SMAD4: variants seen among roughly 807,000 people sequenced by gnomAD.
SMAD4 encodes the protein SMAD family member 4.
In SMAD4, 7 loss-of-function variants were observed where a neutral mutation model predicts 63.2. That is an observed-to-expected ratio of 0.11 (90% CI 0.06 to 0.21). SMAD4 has a LOEUF of 0.21. SMAD4 is among the 10% of genes least tolerant of loss of function. SMAD4 has a pLI of 1.00. For missense variants in SMAD4, 312 were observed against 693.8 expected, an observed-to-expected ratio of 0.45 and a Z score of 6.18; for synonymous variants, 215 against 235.4, an observed-to-expected ratio of 0.91 and a Z score of 0.79.
At chr18:51,033,885 A>C (rs897886206) in intron 1 of SMAD4, among the ~76,000 whole-genome samples, 2 of 152,182 alleles carry the variant, frequency 1.3e-5, no homozygotes, top group African/African-American at 4.8e-5. Flanking sequence ...CATATGTAAA[A>C]CTAAGATGGT....
In SMAD4 at chr18:51,055,010, G is replaced by C. The variant is rs370726274; in HGVS notation, c.667+17G>C. 6 of 1,585,686 alleles carry C rather than the reference G, an allele frequency of 3.8e-6. No individual in the cohort carries two copies. In the African/African-American group the frequency reaches 4.0e-5, roughly 11 times the overall value. On this transcript the variant is annotated intron_variant, in intron 5 of 11. Transcript: ENST00000342988. ...CTTCCACAAGTGAGTTCTAGAATCA[G>C]ATGTAGTCAGCAAGTTGAGTTTTCC...
intron 11 of SMAD4, chr18:51,077,534 A>G (rs545183233): frequency 1.0e-5 from 2 of 199,534 alleles, no homozygotes; most frequent in South Asian, 3.4e-4. Context: ...GATGGACTAT[A>G]TGACTGTATG....
intron 5 of SMAD4, among the ~76,000 whole-genome samples, chr18:51,056,620 CAAAAAAAAAA>C (rs74178610): frequency 2.9e-4 from 17 of 59,324 alleles, no homozygotes; most frequent in South Asian, 1.4e-3. Context: ...ACTCCATCTC[CAAAAAAAAAA>C]AAAAAAAAAA....
intron 1 of SMAD4, among the ~76,000 whole-genome samples, chr18:51,038,774 A>G (rs1453000122): frequency 6.6e-6 from 1 of 152,198 alleles, no homozygotes; most frequent in Non-Finnish European, 1.5e-5. Context: ...TGGGTTTATT[A>G]TTTTAAATGA....
At chr18:51,071,379 TTG>T (rs1910311729) in intron 10 of SMAD4, among the ~76,000 whole-genome samples, 1 of 152,108 alleles carries the variant, frequency 6.6e-6, no homozygotes, top group African/African-American at 2.4e-5. Context: ...TAGGACTAAA[TTG>T]TGGTTTTTTT....
chr18:51,069,239 C>A (rs1910252378), intron 10 of SMAD4, among the ~76,000 whole-genome samples: 1 of 152,154 alleles, frequency 6.6e-6, no homozygotes, highest in Admixed American at 6.5e-5. Flanking sequence ...GCCTTAGCCT[C>A]TCCGGTAGCT....
chr18:51,033,415 A>G (rs1480669646), intron 1 of SMAD4, among the ~76,000 whole-genome samples: 1 of 152,116 alleles, frequency 6.6e-6, no homozygotes, highest in Non-Finnish European at 1.5e-5. Flanking sequence ...GTCTTGAACA[A>G]CTGACCTCAG....
chr18:51,073,386 T>TACACACACAC (rs1910376593), intron 10 of SMAD4, among the ~76,000 whole-genome samples: 1 of 82,076 alleles, frequency 1.2e-5, no homozygotes, highest in Non-Finnish European at 2.3e-5. Flanking sequence ...TATATATATA[T>TACACACACAC]ATACACACAC....
intron 1 of SMAD4, among the ~76,000 whole-genome samples, chr18:51,038,572 G>A (rs1340506049): frequency 2.6e-5 from 4 of 152,134 alleles, no homozygotes; most frequent in Admixed American, 6.5e-5. Context: ...TGTGAGACAC[G>A]TTTTCTTCAT....
At chr18:51,041,921 AC>A (rs1231876823) in intron 1 of SMAD4, among the ~76,000 whole-genome samples, 1 of 152,172 alleles carries the variant, frequency 6.6e-6, no homozygotes, top group Non-Finnish European at 1.5e-5. Context: ...GACCTAGGTT[AC>A]CTATGAACTT....
chr18:51,060,955 T>C (rs1953033940), intron 8 of SMAD4, among the ~76,000 whole-genome samples: 1 of 151,786 alleles, frequency 6.6e-6, no homozygotes, highest in African/African-American at 2.4e-5. Context: ...TCCAGGCTGG[T>C]TTCGAACTCC....
chr18:51,054,842 G>T lies in SMAD4; in HGVS notation c.516G>T (p.Leu172Phe), dbSNP rs1392368498. The stretch of plus-strand genomic sequence containing the variant: ...ATGACTTTGAGGGACAGCCATCGTT[G>T]TCCACTGAAGGACATTCAATTCAAA... ...YVHDFEGQPS[L>F]STEGHSIQTI... Residue 172 changes from leucine to phenylalanine, a missense_variant, in exon 5 of 12, where the codon TTG (leucine) becomes TTT (phenylalanine). Around this residue, in one of 4 missense-constraint regions of SMAD4, gnomAD observed 169 missense variants for 211.0 expected, o/e 0.80. Coordinates refer to ENST00000342988, the MANE Select transcript of SMAD4 (RefSeq NM_005359.6). The T allele has an allele frequency of 1.2e-6, 2 of 1,614,024 alleles. No homozygotes were observed. The highest frequency in any genetic ancestry group is 1.7e-6 in the Non-Finnish European group (2 of 1,179,928).
At chr18:51,038,392 A>T (rs1217081767) in intron 1 of SMAD4, among the ~76,000 whole-genome samples, 2 of 152,186 alleles carry the variant, frequency 1.3e-5, no homozygotes, top group Non-Finnish European at 2.9e-5. Context: ...AACATAGACA[A>T]ATGGATTTTT....
chr18:51,070,881 G>A (rs1910298234), intron 10 of SMAD4, among the ~76,000 whole-genome samples: 1 of 152,120 alleles, frequency 6.6e-6, no homozygotes, highest in Non-Finnish European at 1.5e-5. Flanking sequence ...GGGTAATGAT[G>A]CTGGGATATT....
intron 10 of SMAD4, among the ~76,000 whole-genome samples, chr18:51,072,223 G>A (rs1257032655): frequency 6.6e-6 from 1 of 152,164 alleles, no homozygotes; most frequent in Non-Finnish European, 1.5e-5. Flanking sequence ...CAGGGTGTGA[G>A]GGTTCCAATT....
At chr18:51,074,175 A>C (rs543842033) in intron 10 of SMAD4, among the ~76,000 whole-genome samples, 1 of 151,576 alleles carries the variant, frequency 6.6e-6, no homozygotes, top group East Asian at 1.9e-4. Flanking sequence ...GGAGTAGTTC[A>C]AGATCAGCCT....
At chr18:51,035,338 A>C (rs975044770) in intron 1 of SMAD4, among the ~76,000 whole-genome samples, 1 of 151,902 alleles carries the variant, frequency 6.6e-6, no homozygotes, top group African/African-American at 2.4e-5. Context: ...GCTTACTTGT[A>C]CTCCTTTTGG....
intron 8 of SMAD4, among the ~76,000 whole-genome samples, chr18:51,061,156 A>G (rs1160968878): frequency 6.6e-6 from 1 of 152,212 alleles, no homozygotes; most frequent in African/African-American, 2.4e-5. Flanking sequence ...ATAATGCATG[A>G]TAATCACATC....
chr18:51,038,666 A>G (rs2144383819), intron 1 of SMAD4, among the ~76,000 whole-genome samples: 1 of 152,356 alleles, frequency 6.6e-6, no homozygotes, highest in East Asian at 1.9e-4. Context: ...TAAGCTAGGC[A>G]TTAAGAGAAA....
Sources: allele counts gnomAD v4.1 joint callset (sites outside exome capture counted in the v4.1 genomes callset), GRCh38; gene constraint gnomAD v4.1.1; regional missense constraint gnomAD v4.1.1; transcripts MANE v1.5; gene names NCBI Gene and HGNC (gene_info 2026-07-23, HGNC 2026-07-21).